The following NPR1 variants were observed in gnomAD, a reference collection of about 807,000 sequenced individuals.
The protein encoded by NPR1 is natriuretic peptide receptor 1.
NPR1 carries 57 observed loss-of-function variants against 116.9 expected under a neutral mutation model. The observed-to-expected ratio is 0.49, with a 90% CI of 0.39 to 0.61. The LOEUF (loss-of-function observed/expected upper bound fraction) is 0.61, where lower values mean the gene tolerates loss of function less well. Ranked by LOEUF, NPR1 falls within the 20% of genes least tolerant of loss-of-function variation. The pLI is 0.00. For synonymous variants in NPR1, 555 were observed against 601.6 expected (o/e 0.92, Z 1.13); for missense variants, 1,096 against 1,409.8 (o/e 0.78, Z 3.56).
At chr1:153,681,132 G>C (rs1254174971) in intron 2 of NPR1, 48 bp from the exon 3 acceptor site, 7 of 1,194,800 alleles carry the variant, frequency 5.9e-6, no homozygotes, top group Non-Finnish European at 8.7e-6. Context: ...ACAGTACTAG[G>C]GAATAGTCAG....
Position 153,693,793 on chromosome 1 carries a change from G to A in NPR1, c.*379G>A, listed in dbSNP as rs140810637. On this transcript the variant is annotated 3_prime_UTR_variant, in exon 22 of 22. Coordinates refer to ENST00000368680, the MANE Select transcript of NPR1 (RefSeq NM_000906.4). ...GGAGGAGAAAGAGTCACCTGAAGGG[G>A]AACATGAAAAGAGACTAGGTGAAGA... The A allele has an allele frequency of 1.5e-5, 6 of 404,862 alleles. No homozygotes were observed. Among genetic ancestry groups the A allele is most frequent in the African/African-American group, 1.2e-4 (6 of 48,828 alleles). 25.1% of individuals were successfully genotyped at this position (404,862 alleles called of 1,614,324 possible). A position where few individuals can be genotyped will look rare whatever the true frequency, so the allele number is the denominator to read the frequency against.
At chr1:153,688,333 C>T (rs1186787314) in intron 15 of NPR1, 112 bp downstream of exon 15, 3 of 1,097,136 alleles carry the variant, frequency 2.7e-6, no homozygotes, top group Non-Finnish European at 4.0e-6. Context: ...CACTCACCTC[C>T]TCCCTGTACA....
intron 19 of NPR1, 21 bp downstream of exon 19, chr1:153,690,001 G>C: frequency 6.7e-7 from 1 of 1,483,530 alleles, no homozygotes; most frequent in Non-Finnish European, 9.0e-7. Context: ...TGAAGGTGCA[G>C]GCGGGCATCC....
Position 153,693,983 on chromosome 1 carries a change from A to T in NPR1, c.*569A>T, listed in dbSNP as rs569905058. ...ATGAGCAGAGACAATTAAAATCTTTATTCCAGTGACAGTGTCTCTTCTTGA... is the reference window on the plus strand; with the variant it reads ...ATGAGCAGAGACAATTAAAATCTTTTTTCCAGTGACAGTGTCTCTTCTTGA... On this transcript the variant is annotated 3_prime_UTR_variant, in exon 22 of 22. Coordinates refer to ENST00000368680, the MANE Select transcript of NPR1 (RefSeq NM_000906.4). 2.6e-6 allele frequency: 1 copy of T among 391,332 alleles called. No individual in the cohort carries two copies. The highest frequency in any genetic ancestry group is 2.1e-5 in the African/African-American group (1 of 48,646). The allele number at this position is 391,332 out of a possible 1,614,324, so 24.2% of individuals were successfully genotyped here.
intron 4 of NPR1, among the ~76,000 whole-genome samples, chr1:153,682,290 C>T (rs555095264): frequency 5.3e-5 from 8 of 152,178 alleles, no homozygotes; most frequent in South Asian, 4.1e-4. Flanking sequence ...GAACTCCTGA[C>T]GTCAGGTGAT....
chr1:153,690,942 CAAAAAAAAA>C (rs57820357), intron 20 of NPR1, among the ~76,000 whole-genome samples: 1 of 51,290 alleles, frequency 1.9e-5, no homozygotes, highest in Non-Finnish European at 3.6e-5. Flanking sequence ...AACTCTGTCT[CAAAAAAAAA>C]AAAAAAAAAA....
chr1:153,693,547 AC>A lies in NPR1; in HGVS notation c.*137del. The stretch of plus-strand genomic sequence containing the variant: ...TAATTTGAATAGCTCAGGTGTGCTG[AC>A]CCCAGTGAAGACACCAGATAGGACC... On this transcript the variant is annotated 3_prime_UTR_variant, in exon 22 of 22. Coordinates refer to ENST00000368680, the MANE Select transcript of NPR1 (RefSeq NM_000906.4). 1 of 755,036 alleles carries A rather than the reference AC, an allele frequency of 1.3e-6. No homozygotes were observed. The highest frequency in any genetic ancestry group is 2.1e-6 in the Non-Finnish European group (1 of 471,214). 46.8% of individuals were successfully genotyped at this position (755,036 alleles called of 1,614,324 possible). A position where few individuals can be genotyped will look rare whatever the true frequency, so the allele number is the denominator to read the frequency against.
chr1:153,682,050 T>C (rs553637789), intron 4 of NPR1, among the ~76,000 whole-genome samples: 136 of 150,486 alleles, frequency 9.0e-4, no homozygotes, highest in Admixed American at 1.1e-3. Flanking sequence ...TTTACCTTTC[T>C]TTTTCTTTTT....
chr1:153,689,999 C>A lies in NPR1; in HGVS notation c.2932+19C>A. The A allele has an allele frequency of 1.3e-6, 2 of 1,485,438 alleles. No individual in the cohort carries two copies. Among genetic ancestry groups the A allele is most frequent in the Non-Finnish European group, 1.8e-6 (2 of 1,111,356 alleles). The allele number at this position is 1,485,438 out of a possible 1,614,324, so 92.0% of individuals were successfully genotyped here. A position where few individuals can be genotyped will look rare whatever the true frequency, so the allele number is the denominator to read the frequency against. On this transcript the variant is annotated intron_variant, in intron 19 of 21. Transcript: ENST00000368680. This position sits in a 1 kb window ranked among gnomAD's most constrained non-coding sequence, Gnocchi z 5.1. ...CACACAGGTAAGGCCACTGAAGGTGCAGGCGGGCATCCAGAGGCCAAGGCT... is the reference window on the plus strand; with the variant it reads ...CACACAGGTAAGGCCACTGAAGGTGAAGGCGGGCATCCAGAGGCCAAGGCT...
rs1225263870 is a variant in NPR1 at position 153,679,495 on chromosome 1, C to G, written c.387C>G (p.Thr129=). The G allele has an allele frequency of 1.8e-5, 28 of 1,539,024 alleles. No individual in the cohort carries two copies. The highest frequency in any genetic ancestry group is 2.4e-5 in the Non-Finnish European group (27 of 1,147,138). The change falls in exon 1 of 22, where the codon ACC becomes ACG. Residue 129 remains threonine (T), a synonymous_variant. Transcript: ENST00000368680. The surrounding 1 kb of genome is among the most constrained non-coding windows in gnomAD (Gnocchi z 4.2). ...VYAAAPVGRF[T]AHWRVPLLTA... is the part of the protein sequence containing the mutation. ...CCGCCGCCCCAGTGGGGCGCTTCAC[C>G]GCGCACTGGCGGGTCCCGCTGCTGA...
chr1:153,688,242 A>C (rs1669989949), intron 15 of NPR1, 21 bp downstream of exon 15: 1 of 1,609,144 alleles, frequency 6.2e-7, no homozygotes, highest in African/African-American at 1.3e-5. Context: ...TTTGTCATGG[A>C]TCCCCCAGGC....
Position 153,678,772 on chromosome 1 carries a change from C to A in NPR1, c.-337C>A. On this transcript the variant is annotated 5_prime_UTR_variant, in exon 1 of 22. Coordinates refer to ENST00000368680, the MANE Select transcript of NPR1 (RefSeq NM_000906.4). This position sits in a 1 kb window ranked among gnomAD's most constrained non-coding sequence, Gnocchi z 5.8. Reference sequence around the variant, plus strand: ...GCGCGCCCTCTCTCATCCTTCTTCACGAAGCGCTCACTCGCACCCTTTCTC... The same window carrying A: ...GCGCGCCCTCTCTCATCCTTCTTCAAGAAGCGCTCACTCGCACCCTTTCTC... 2.9e-6 allele frequency: 1 copy of A among 340,024 alleles called. No individual in the cohort carries two copies. Among genetic ancestry groups the A allele is most frequent in the Admixed American group, 5.1e-5 (1 of 19,482 alleles). The allele number at this position is 340,024 out of a possible 1,614,324, so 21.1% of individuals were successfully genotyped here.
rs143854038 is a variant in NPR1 at position 153,682,979 on chromosome 1, C to T, written c.1263+390C>T. 2.7e-3 allele frequency among the ~76,000 whole-genome samples: 405 copies of T among 152,340 alleles called. 1 individual carries two copies. Among genetic ancestry groups the T allele is most frequent in the African/African-American group, 9.3e-3 (388 of 41,578 alleles). ...AAGGGACAGGTCATCCAGAGAAGGCCTCCTGGAAGACGGGCACATGGACTG... is the reference window on the plus strand; with the variant it reads ...AAGGGACAGGTCATCCAGAGAAGGCTTCCTGGAAGACGGGCACATGGACTG... On this transcript the variant is annotated intron_variant, in intron 5 of 21. Coordinates refer to ENST00000368680, the MANE Select transcript of NPR1 (RefSeq NM_000906.4).
Position 153,679,754 on chromosome 1 carries a change from G to A in NPR1, c.646G>A (p.Asp216Asn). The A allele has an allele frequency of 6.3e-7, 1 of 1,587,654 alleles. No individual in the cohort carries two copies. Among genetic ancestry groups the A allele is most frequent in the Non-Finnish European group, 8.5e-7 (1 of 1,170,766 alleles). ...CCGCGACCGCCTCAATATTACGGTG[G>A]ACCACCTGGAGTTCGCCGAGGACGA... ...RVRDRLNITV[D>N]HLEFAEDDLS... Residue 216 changes from aspartate (D) to asparagine (N), a missense_variant, in exon 1 of 22, where the codon GAC becomes AAC. By Grantham distance (23) the Asp-to-Asn change is conservative. Transcript: ENST00000368680. This position sits in a 1 kb window ranked among gnomAD's most constrained non-coding sequence, Gnocchi z 4.2.
rs199873680 is a variant in NPR1, at chr1:153,685,820, C to T, written c.1620C>T (p.Tyr540=). 195 of 1,614,036 alleles carry T rather than the reference C, an allele frequency of 1.2e-4. No homozygotes were observed. Among genetic ancestry groups the T allele is most frequent in the Middle Eastern group, 5.0e-4 (3 of 6,060 alleles). The change falls in exon 9 of 22, where the codon TAC becomes TAT. Residue 540 remains tyrosine (Y), a synonymous_variant. Transcript: ENST00000368680. ...CCTCCTTTCAGAGAGGCTCCAATTA[C>T]GGCTCCCTGCTAACCACAGAGGGCC... ...RLTLSGRGSN[Y]GSLLTTEGQF...
intron 13 of NPR1, 36 bp downstream of exon 13, chr1:153,687,392 AGCACCACCCAGTAGGGAGACTGATGCAAG>A: frequency 6.2e-7 from 1 of 1,608,018 alleles, no homozygotes; most frequent in Non-Finnish European, 8.5e-7. Context: ...ACCTGCCCCC[AGCACCACCCAGTAGGGAGACTGATGCAAG>A]GCCTCTGATG....
rs753582216 is a variant in NPR1 at position 153,679,782 on chromosome 1, T to C, written c.674T>C (p.Leu225Pro). The change falls in exon 1 of 22, where the codon CTC (leucine) becomes CCC (proline). Residue 225 changes from leucine to proline, a missense_variant. Coordinates refer to ENST00000368680, the MANE Select transcript of NPR1 (RefSeq NM_000906.4). The surrounding 1 kb of genome is among the most constrained non-coding windows in gnomAD (Gnocchi z 4.2). ...VDHLEFAEDD[L>P]SHYTRLLRTM... ...CACCTGGAGTTCGCCGAGGACGACC[T>C]CAGCCACTACACCAGGCTGCTGCGG... 1.9e-6 allele frequency: 3 copies of C among 1,558,452 alleles called. No homozygotes were observed.
chr1:153,686,755 G>A lies in NPR1; in HGVS notation c.1863+5G>A. The A allele has an allele frequency of 6.2e-7, 1 of 1,610,710 alleles. No homozygotes were observed. Among genetic ancestry groups the A allele is most frequent in the Non-Finnish European group, 8.5e-7 (1 of 1,177,586 alleles). Reference sequence around the variant, plus strand: ...TGTCCCCGTGGGAGCCTGCAGGTGAGGGGGACAAGGGGTGTCAAGAAACCT... The same window carrying A: ...TGTCCCCGTGGGAGCCTGCAGGTGAAGGGGACAAGGGGTGTCAAGAAACCT... On this transcript the variant is annotated splice_donor_5th_base_variant and intron_variant, in intron 11 of 21. Transcript: ENST00000368680.
intron 14 of NPR1, 84 bp from the exon 15 acceptor site, chr1:153,687,969 C>A: frequency 8.7e-7 from 1 of 1,153,342 alleles, no homozygotes; most frequent in Non-Finnish European, 1.3e-6. Context: ...TTGGACTTCC[C>A]CTGCCATCTC....
Sources: allele counts gnomAD v4.1 joint callset (sites outside exome capture counted in the v4.1 genomes callset), GRCh38; gene constraint gnomAD v4.1.1; non-coding constraint Gnocchi (gnomAD v3.1); transcripts MANE v1.5; gene names NCBI Gene and HGNC (gene_info 2026-07-23, HGNC 2026-07-21).